MTF1: variants seen among roughly 807,000 people sequenced by gnomAD.
MTF1 encodes metal regulatory transcription factor 1.
In MTF1, 22 loss-of-function variants were observed where a neutral mutation model predicts 70.4. The ratio of observed to expected loss-of-function variants is 0.31; its 90% CI spans 0.22 to 0.45. MTF1 has a LOEUF of 0.45. Among genes scored for constraint, MTF1 ranks in the 20% least tolerant of loss-of-function variants. The pLI is 1.00. For missense variants in MTF1, 649 were observed against 922.0 expected (o/e 0.70, Z 3.83); for synonymous variants, 333 against 352.8 (o/e 0.94, Z 0.63).
chr1:37,855,190 A>AG, intron 2 of MTF1, among the ~76,000 whole-genome samples: 1 of 152,318 alleles, frequency 6.6e-6, no homozygotes, highest in South Asian at 2.1e-4. Flanking sequence ...CCTGTACAAG[A>AG]GGAAGAAAAA....
rs1640776120 is a variant in MTF1 at position 37,813,935 on chromosome 1, T to C, written c.*1201A>G. The C allele has an allele frequency of 6.6e-6, 1 of 152,388 alleles. No individual in the cohort carries two copies. The highest frequency in any genetic ancestry group is 1.5e-5 in the Non-Finnish European group (1 of 67,998). 9.4% of individuals were successfully genotyped at this position (152,388 alleles called of 1,614,324 possible). ...TATTGCAACATTTCAGGCTTTTTGG[T>C]GGAAAGGGAATTTTTTTGTTTTGCT... is the stretch of plus-strand genomic sequence containing the variant. On this transcript the variant is annotated 3_prime_UTR_variant, in exon 11 of 11. Transcript: ENST00000373036.
intron 8 of MTF1, 116 bp downstream of exon 8, chr1:37,823,594 C>A: frequency 1.4e-6 from 1 of 701,684 alleles, no homozygotes; most frequent in Non-Finnish European, 2.4e-6. Context: ...CCCAAACTTT[C>A]TGACCCTTTA....
At position 37,857,470 on chromosome 1, in the gene MTF1, G is replaced by T. The variant is rs41267341; in HGVS notation, c.189C>A (p.Asp63Glu). 14,832 of 1,614,100 alleles carry T rather than the reference G, an allele frequency of 9.2e-3. 93 individuals carry two copies. Among genetic ancestry groups the T allele is most frequent in the Non-Finnish European group, 0.011 (12,503 of 1,180,018 alleles). ...GCAAGTGTTCTCCGCACTGTCCGTC[G>T]TCATCTTCATCCTCCAAAGTGCCAG... ...QDPGTLEDED[D>E]DGQCGEHLPF... The change falls in exon 2 of 11, where the codon GAC becomes GAA. Residue 63 changes from aspartate to glutamate, a missense_variant. Around this residue, in one of 7 missense-constraint regions of MTF1, gnomAD observed 44 missense variants for 38.1 expected, o/e 1.15. Coordinates refer to ENST00000373036, the MANE Select transcript of MTF1 (RefSeq NM_005955.3).
intron 4 of MTF1, among the ~76,000 whole-genome samples, chr1:37,836,405 C>G (rs1056541601): frequency 6.6e-6 from 1 of 152,208 alleles, no homozygotes; most frequent in Non-Finnish European, 1.5e-5. Context: ...CAAAGTGGCT[C>G]TCAAATATGT....
At chr1:37,819,641 A>C (rs991000293) in intron 9 of MTF1, among the ~76,000 whole-genome samples, 1 of 151,350 alleles carries the variant, frequency 6.6e-6, no homozygotes, top group African/African-American at 2.4e-5. Flanking sequence ...GCTACGTTAT[A>C]GCAGATGACA....
intron 2 of MTF1, among the ~76,000 whole-genome samples, chr1:37,843,609 A>C (rs1641289186): frequency 6.6e-6 from 1 of 152,234 alleles, no homozygotes; most frequent in Non-Finnish European, 1.5e-5. Flanking sequence ...GCAACAGACA[A>C]TACGTAAATG....
chr1:37,835,116 T>G lies in MTF1; in HGVS notation c.953A>C (p.His318Pro), dbSNP rs1407298329. The G allele has an allele frequency of 3.1e-6, 5 of 1,614,052 alleles. No homozygotes were observed. Among genetic ancestry groups the G allele is most frequent in the Non-Finnish European group, 4.2e-6 (5 of 1,180,004 alleles). ...SHMKGHDNKG[H>P]SYNALPQHNG... ...GTGTTGTGGAAGTGCATTGTATGAG[T>G]GTCCTTTGTTATCATGACCTTTCAT... is the stretch of plus-strand genomic sequence containing the variant. Residue 318 changes from histidine (H) to proline (P), a missense_variant, in exon 6 of 11, where the codon CAC becomes CCC. Physicochemically the swap from His to Pro is moderately conservative, Grantham distance 77. Around this residue, in one of 7 missense-constraint regions of MTF1, gnomAD observed 267 missense variants for 292.1 expected, o/e 0.91. Transcript: ENST00000373036.
At chr1:37,818,829 C>T (rs1423884238) in intron 9 of MTF1, among the ~76,000 whole-genome samples, 4 of 151,074 alleles carry the variant, frequency 2.6e-5, no homozygotes, top group African/African-American at 9.8e-5. Flanking sequence ...CCCATCTCTA[C>T]TAAAAATACA....
At chr1:37,845,475 G>A (rs184217619) in intron 2 of MTF1, among the ~76,000 whole-genome samples, 4 of 152,132 alleles carry the variant, frequency 2.6e-5, no homozygotes, top group Non-Finnish European at 4.4e-5. Flanking sequence ...ACACAGATTG[G>A]GGAAAGTATT....
At chr1:37,843,491 T>C (rs1007989525) in intron 2 of MTF1, among the ~76,000 whole-genome samples, 2 of 152,016 alleles carry the variant, frequency 1.3e-5, no homozygotes, top group Non-Finnish European at 2.9e-5. Context: ...TAAGGATGAG[T>C]GTGACTCAAG....
chr1:37,847,679 C>G (rs1641354007), intron 2 of MTF1, among the ~76,000 whole-genome samples: 1 of 152,182 alleles, frequency 6.6e-6, no homozygotes, highest in Non-Finnish European at 1.5e-5. Context: ...GGACTACAGA[C>G]AGGTTCTCAT....
chr1:37,842,597 G>A (rs996506866), intron 2 of MTF1, among the ~76,000 whole-genome samples: 7 of 152,192 alleles, frequency 4.6e-5, no homozygotes, highest in South Asian at 2.1e-4. Flanking sequence ...ACCTCTAAGT[G>A]TAGGTGTAGG....
intron 4 of MTF1, among the ~76,000 whole-genome samples, chr1:37,838,087 C>T (rs1641198029): frequency 1.3e-5 from 2 of 152,162 alleles, no homozygotes; most frequent in Admixed American, 1.3e-4. Context: ...TTTGTGTATA[C>T]ACACGAGATA....
intron 7 of MTF1, among the ~76,000 whole-genome samples, chr1:37,825,912 A>G (rs1033086975): frequency 8.5e-5 from 13 of 152,220 alleles, no homozygotes; most frequent in Non-Finnish European, 1.6e-4. Context: ...TAAGGCTTCC[A>G]ATCACAGTAG....
chr1:37,822,236 G>T lies in MTF1; in HGVS notation c.1652C>A (p.Thr551Asn), dbSNP rs1488692427. The change falls in exon 9 of 11, where the codon ACC becomes AAC. Residue 551 changes from threonine (T) to asparagine (N), a missense_variant. Physicochemically the swap from Thr to Asn is moderately conservative, Grantham distance 65. This residue lies in a region of MTF1 where 267 missense variants were observed against 292.1 expected (regional missense o/e 0.91). Transcript: ENST00000373036. ...AGCTGTGTTGGGAGTTGGGGTGATG[G>T]TTATTGTGGGATTATTAGTTAGGAC... Reference protein sequence around the residue: ...NSVLTNNPTITITPTPNTAIL... With the variant: ...NSVLTNNPTINITPTPNTAIL... 1 of 1,614,208 alleles carries T rather than the reference G, an allele frequency of 6.2e-7. No homozygotes were observed. The highest frequency in any genetic ancestry group is 2.2e-5 in the East Asian group (1 of 44,886).
intron 2 of MTF1, among the ~76,000 whole-genome samples, chr1:37,847,784 C>T (rs895037864): frequency 3.3e-5 from 5 of 151,758 alleles, no homozygotes; most frequent in Non-Finnish European, 1.5e-5. Context: ...TCACTTGAGC[C>T]CAGAAGTTCG....
At chr1:37,821,515 T>A (rs546105461) in intron 9 of MTF1, among the ~76,000 whole-genome samples, 1 of 152,352 alleles carries the variant, frequency 6.6e-6, no homozygotes, top group African/African-American at 2.4e-5. Context: ...TTTTTTCTCT[T>A]TTCTGTATCC....
At chr1:37,838,498 G>T in intron 4 of MTF1, 127 bp downstream of exon 4, 1 of 702,012 alleles carries the variant, frequency 1.4e-6, no homozygotes, top group Non-Finnish European at 2.2e-6. Flanking sequence ...CTGTCCTGGG[G>T]TGAGCTAACA....
Position 37,851,032 on chromosome 1 carries a change from T to C in MTF1, c.408+6219A>G, listed in dbSNP as rs1641411186. Among the ~76,000 whole-genome samples, 3 of 152,294 alleles carry C rather than the reference T, an allele frequency of 2.0e-5. No individual in the cohort carries two copies. The South Asian group carries it at 6.2e-4, about 32-fold the overall frequency. ...GTCTGTTATCGAGTAGTCATAAACATCAGCCTCTTCAGGCCAAATAAGTGG... is the reference window on the plus strand; with the variant it reads ...GTCTGTTATCGAGTAGTCATAAACACCAGCCTCTTCAGGCCAAATAAGTGG... On this transcript the variant is annotated intron_variant, in intron 2 of 10. Coordinates refer to ENST00000373036, the MANE Select transcript of MTF1 (RefSeq NM_005955.3).
Sources: allele counts gnomAD v4.1 joint callset (sites outside exome capture counted in the v4.1 genomes callset), GRCh38; gene constraint gnomAD v4.1.1; regional missense constraint gnomAD v4.1.1; transcripts MANE v1.5; gene names NCBI Gene and HGNC (gene_info 2026-07-23, HGNC 2026-07-21).